RABGAP1L: variants seen among roughly 807,000 people sequenced by gnomAD.
RABGAP1L encodes the protein RAB GTPase activating protein 1 like.
RABGAP1L carries 63 observed loss-of-function variants against 137.7 expected under a neutral mutation model. The ratio of observed to expected loss-of-function variants is 0.46; its 90% CI spans 0.37 to 0.56. RABGAP1L has a LOEUF of 0.56. Ranked by LOEUF, RABGAP1L falls within the 20% of genes least tolerant of loss-of-function variation. The pLI, the probability that RABGAP1L is intolerant of heterozygous loss-of-function variation, is 0.00. For missense variants in RABGAP1L, 1,095 were observed against 1,244.0 expected (o/e 0.88, Z 1.80); for synonymous variants, 431 against 433.7 (o/e 0.99, Z 0.08).
chr1:174,982,818 CTT>C lies in RABGAP1L; in HGVS notation c.2734-13_2734-12del. On this transcript the variant is annotated splice_polypyrimidine_tract_variant and intron_variant, in intron 23 of 25. Coordinates refer to ENST00000681986, the MANE Select transcript of RABGAP1L (RefSeq NM_001366446.1). ...TTGTTCTGTTTTCTAGTAAAAGACT[CTT>C]TTCTCATCCTTAGATCTGTTCGCAG... 1.3e-6 allele frequency: 2 copies of C among 1,550,016 alleles called. No homozygotes were observed. Among genetic ancestry groups the C allele is most frequent in the Non-Finnish European group, 8.7e-7 (1 of 1,146,604 alleles).
At chr1:174,373,584 A>T (rs760132160) in intron 12 of RABGAP1L, among the ~76,000 whole-genome samples, 1 of 152,204 alleles carries the variant, frequency 6.6e-6, no homozygotes, top group Non-Finnish European at 1.5e-5. Flanking sequence ...GCAGGGGACA[A>T]CTGTTTAGTT....
chr1:174,989,871 C>T lies in RABGAP1L; in HGVS notation c.3026C>T (p.Ala1009Val), dbSNP rs569510102. The change falls in exon 26 of 26, where the codon GCC (alanine) becomes GTC (valine). Residue 1009 changes from alanine to valine, a missense_variant. By Grantham distance (64) the Ala-to-Val change is moderately conservative (BLOSUM62 0). Transcript: ENST00000681986. ...TAGGAACTTGAACATCAGAGAGGAG[C>T]CCTTATGAATGAAATCCAAGCTGCG... ...KIQELEHQRG[A>V]LMNEIQAAKN... 12 of 1,550,440 alleles carry T rather than the reference C, an allele frequency of 7.7e-6. No individual in the cohort carries two copies. The African/African-American group carries it at 1.5e-4, about 19-fold the overall frequency.
intron 17 of RABGAP1L, among the ~76,000 whole-genome samples, chr1:174,702,944 A>C (rs982369197): frequency 7.9e-5 from 12 of 152,096 alleles, no homozygotes; most frequent in Non-Finnish European, 2.9e-5. Flanking sequence ...GTAATAGGGA[A>C]TTTGCTAGAT....
chr1:174,542,462 C>A (rs577881599), intron 13 of RABGAP1L, among the ~76,000 whole-genome samples: 6 of 152,178 alleles, frequency 3.9e-5, no homozygotes, highest in African/African-American at 1.4e-4. Flanking sequence ...TTTTTTATTG[C>A]ATCTATTTGA....
intron 10 of RABGAP1L, among the ~76,000 whole-genome samples, chr1:174,280,041 T>C (rs1377971702): frequency 4.6e-5 from 6 of 131,366 alleles, no homozygotes; most frequent in Admixed American, 1.6e-4. Flanking sequence ...TGACTGTCTG[T>C]CTGCCTGGAG....
intron 19 of RABGAP1L, among the ~76,000 whole-genome samples, chr1:174,881,172 G>A: frequency 6.6e-6 from 1 of 152,142 alleles, no homozygotes; most frequent in African/African-American, 2.4e-5. Context: ...TCTTCCATTT[G>A]TAGATTGTGT....
At chr1:174,835,600 T>G (rs1322312243) in intron 19 of RABGAP1L, among the ~76,000 whole-genome samples, 1 of 152,200 alleles carries the variant, frequency 6.6e-6, no homozygotes, top group Non-Finnish European at 1.5e-5. Flanking sequence ...CTATTTTCTT[T>G]TCTTTCTGCT....
intron 17 of RABGAP1L, chr1:174,705,436 A>G (rs1328260939): frequency 6.6e-6 from 1 of 152,206 alleles, no homozygotes; most frequent in Non-Finnish European, 1.5e-5. Context: ...GTGACTTACA[A>G]TCAGTGTTTG....
chr1:174,914,392 A>G (rs1432859030), intron 19 of RABGAP1L, among the ~76,000 whole-genome samples: 1 of 152,242 alleles, frequency 6.6e-6, no homozygotes, highest in Non-Finnish European at 1.5e-5. Flanking sequence ...TCATATGGCC[A>G]TACCAAGCTG....
chr1:174,718,836 CCTTT>C, intron 17 of RABGAP1L, among the ~76,000 whole-genome samples: 1 of 102,384 alleles, frequency 9.8e-6, no homozygotes, highest in South Asian at 4.3e-4. Flanking sequence ...CTTTTCTTTT[CCTTT>C]TTTTTTTTTT....
intron 13 of RABGAP1L, chr1:174,447,961 A>G: frequency 5.2e-6 from 2 of 381,508 alleles, no homozygotes; most frequent in Non-Finnish European, 9.4e-6. Context: ...AAGAGACTTG[A>G]GCACTCTCTG....
intron 13 of RABGAP1L, among the ~76,000 whole-genome samples, chr1:174,449,997 G>A (rs1246091462): frequency 2.0e-5 from 3 of 151,904 alleles, no homozygotes; most frequent in Non-Finnish European, 4.4e-5. Flanking sequence ...GTTAAATAAT[G>A]TATTTCTTCC....
At chr1:174,228,102 A>G (rs1298468194) in intron 3 of RABGAP1L, among the ~76,000 whole-genome samples, 3 of 150,754 alleles carry the variant, frequency 2.0e-5, no homozygotes, top group African/African-American at 4.9e-5. Context: ...TATGTCTTTC[A>G]TTTTTCTTCT....
intron 13 of RABGAP1L, among the ~76,000 whole-genome samples, chr1:174,461,542 G>C (rs1366390641): frequency 6.6e-6 from 1 of 152,106 alleles, no homozygotes; most frequent in Non-Finnish European, 1.5e-5. Flanking sequence ...ATTATTTGTT[G>C]AGCCAAGTAC....
intron 5 of RABGAP1L, chr1:174,245,468 C>G (rs1672175701): frequency 6.6e-6 from 1 of 152,142 alleles, no homozygotes; most frequent in Non-Finnish European, 1.5e-5. Context: ...TAGTGTTTTC[C>G]TTAAATCAAT....
At chr1:174,567,287 T>A (rs1667649802) in intron 13 of RABGAP1L, among the ~76,000 whole-genome samples, 1 of 152,202 alleles carries the variant, frequency 6.6e-6, no homozygotes, top group South Asian at 2.1e-4. Context: ...TCCTTCTATA[T>A]CTGCCTTATT....
At chr1:174,863,017 C>G (rs577198194) in intron 19 of RABGAP1L, among the ~76,000 whole-genome samples, 145 of 151,796 alleles carry the variant, frequency 9.6e-4, no homozygotes, top group African/African-American at 3.4e-3. Context: ...GCCTCAGCCT[C>G]CCAGGTAGCT....
At chr1:174,498,293 G>A (rs553200840) in intron 13 of RABGAP1L, among the ~76,000 whole-genome samples, 8 of 151,938 alleles carry the variant, frequency 5.3e-5, no homozygotes, top group South Asian at 2.1e-4. Context: ...TTAACCATAC[G>A]TGATTATGTT....
chr1:174,388,136 A>C (rs1686953477), intron 12 of RABGAP1L, among the ~76,000 whole-genome samples: 2 of 152,088 alleles, frequency 1.3e-5, no homozygotes, highest in South Asian at 4.1e-4. Context: ...GGAGTCCTAC[A>C]CTTTGTGCTT....
Sources: allele counts gnomAD v4.1 joint callset (sites outside exome capture counted in the v4.1 genomes callset), GRCh38; gene constraint gnomAD v4.1.1; transcripts MANE v1.5; gene names NCBI Gene and HGNC (gene_info 2026-07-23, HGNC 2026-07-21).